UHRF1: variants seen among roughly 807,000 people sequenced by gnomAD.
UHRF1 encodes E3 ubiquitin-protein ligase UHRF1.
In UHRF1, 9 loss-of-function variants were observed where a neutral mutation model predicts 96.5. The ratio of observed to expected loss-of-function variants is 0.09; its 90% CI spans 0.06 to 0.16. UHRF1 has a LOEUF of 0.16. Among genes scored for constraint, UHRF1 ranks in the 10% least tolerant of loss-of-function variants. The pLI is 1.00. For synonymous variants in UHRF1, 455 were observed against 469.9 expected (o/e 0.97, Z 0.41); for missense variants, 626 against 1,131.1 (o/e 0.55, Z 6.40).
intron 2 of UHRF1, among the ~76,000 whole-genome samples, chr19:4,915,250 T>C (rs2032446850): frequency 6.6e-6 from 1 of 151,422 alleles, no homozygotes; most frequent in South Asian, 2.1e-4. Flanking sequence ...GGAGGGAGGG[T>C]CCCCACCACC....
At chr19:4,955,357 C>A (rs1330104648) in intron 15 of UHRF1, among the ~76,000 whole-genome samples, 2 of 152,108 alleles carry the variant, frequency 1.3e-5, no homozygotes, top group African/African-American at 2.4e-5. Context: ...CCTTCCTCCC[C>A]CTTTACAGCC....
intron 5 of UHRF1, among the ~76,000 whole-genome samples, chr19:4,933,935 C>T (rs2033136611): frequency 6.8e-6 from 1 of 146,816 alleles, no homozygotes; most frequent in Admixed American, 6.9e-5. Context: ...TTTGCAAAGC[C>T]TGTTCTTTCT....
chr19:4,912,293 T>C (rs1157374988), intron 2 of UHRF1, among the ~76,000 whole-genome samples: 1 of 152,150 alleles, frequency 6.6e-6, no homozygotes, highest in East Asian at 1.9e-4. Flanking sequence ...CTATGATGCG[T>C]GCTCCCTTTG....
chr19:4,926,525 G>A (rs1166996934), intron 2 of UHRF1, among the ~76,000 whole-genome samples: 1 of 152,122 alleles, frequency 6.6e-6, no homozygotes, highest in African/African-American at 2.4e-5. Flanking sequence ...ATATTCAAAC[G>A]GGTTTTTCTG....
intron 11 of UHRF1, 46 bp from the exon 12 acceptor site, chr19:4,950,565 G>A (rs1233836388): frequency 2.5e-6 from 4 of 1,578,760 alleles, no homozygotes; most frequent in Middle Eastern, 2.3e-4. Flanking sequence ...TTTTTTGGGG[G>A]GTACATCCTC....
intron 2 of UHRF1, among the ~76,000 whole-genome samples, chr19:4,925,966 C>T (rs10426234): frequency 0.023 from 3,539 of 152,028 alleles, 139 homozygotes; most frequent in African/African-American, 0.081. Context: ...GGTGCAATCT[C>T]GGCTCACTGC....
intron 2 of UHRF1, among the ~76,000 whole-genome samples, chr19:4,912,024 G>T (rs554699578): frequency 1.3e-5 from 2 of 152,316 alleles, no homozygotes; most frequent in South Asian, 4.1e-4. Flanking sequence ...GGGGCTGGGA[G>T]GATCATGCCT....
At chr19:4,925,802 G>A (rs1340048884) in intron 2 of UHRF1, among the ~76,000 whole-genome samples, 2 of 152,150 alleles carry the variant, frequency 1.3e-5, no homozygotes, top group Admixed American at 6.6e-5. Flanking sequence ...GATGACAGGC[G>A]TGAGCCACCG....
chr19:4,903,206 G>C (rs2031984037), exon 1 of UHRF1: 1 of 241,312 alleles, frequency 4.1e-6, no homozygotes, highest in Non-Finnish European at 8.4e-6. Flanking sequence ...TTTTGGTAGA[G>C]ACAGAGTTTC....
chr19:4,927,319 T>G (rs262570), intron 2 of UHRF1, among the ~76,000 whole-genome samples: 104 of 141,152 alleles, frequency 7.4e-4, no homozygotes, highest in African/African-American at 2.7e-3. Context: ...AGGTGGAGAT[T>G]GCAGTGAGCT....
At chr19:4,946,031 T>C (rs1200226029) in intron 10 of UHRF1, 66 bp downstream of exon 10, 2 of 1,270,036 alleles carry the variant, frequency 1.6e-6, no homozygotes, top group South Asian at 2.9e-5. Context: ...GTAAAATACA[T>C]AGAACAAAAT....
intron 4 of UHRF1, among the ~76,000 whole-genome samples, 190 bp downstream of exon 4, chr19:4,931,066 C>T (rs1160406621): frequency 6.6e-6 from 1 of 152,180 alleles, no homozygotes; most frequent in Non-Finnish European, 1.5e-5. Context: ...AAGCCGGCTG[C>T]CCCCTCCTGT....
intron 2 of UHRF1, among the ~76,000 whole-genome samples, chr19:4,924,878 A>G (rs1390644124): frequency 1.3e-5 from 2 of 149,990 alleles, no homozygotes; most frequent in African/African-American, 4.9e-5. Context: ...CCAGGCTGGA[A>G]TGTAGTGGCG....
chr19:4,946,425 G>A (rs1441894253), intron 10 of UHRF1, among the ~76,000 whole-genome samples: 1 of 152,138 alleles, frequency 6.6e-6, no homozygotes, highest in Non-Finnish European at 1.5e-5. Flanking sequence ...CTGTCTGTCC[G>A]TGGGCACTGG....
chr19:4,940,351 C>A (rs1256515399), intron 5 of UHRF1, among the ~76,000 whole-genome samples: 2 of 131,288 alleles, frequency 1.5e-5, no homozygotes, highest in African/African-American at 2.7e-5. Context: ...TCAAGCGTTG[C>A]CTTTATGATT....
In UHRF1 at chr19:4,940,290, G is replaced by A. The variant is rs2033351228; in HGVS notation, c.786-1238G>A. On this transcript the variant is annotated intron_variant, in intron 5 of 16. Coordinates refer to ENST00000650932, the MANE Select transcript of UHRF1 (RefSeq NM_001048201.3). Reference sequence around the variant, plus strand: ...GGGGATGTCGGATTATTGATCTCGGGGGATCAGTTTCACTCACAGGAGTTC... The same window carrying A: ...GGGGATGTCGGATTATTGATCTCGGAGGATCAGTTTCACTCACAGGAGTTC... 2.0e-5 allele frequency among the ~76,000 whole-genome samples: 3 copies of A among 151,400 alleles called. No homozygotes were observed. The Admixed American group carries it at 2.0e-4, about 10-fold the overall frequency.
At chr19:4,924,977 C>A (rs1181436102) in intron 2 of UHRF1, among the ~76,000 whole-genome samples, 2 of 152,002 alleles carry the variant, frequency 1.3e-5, no homozygotes, top group Admixed American at 6.6e-5. Context: ...CAGGCGCGTG[C>A]CACCACGCCT....
At chr19:4,924,005 C>T (rs988577235) in intron 2 of UHRF1, among the ~76,000 whole-genome samples, 1 of 152,176 alleles carries the variant, frequency 6.6e-6, no homozygotes, top group African/African-American at 2.4e-5. Flanking sequence ...CTCATTCTGT[C>T]ACCCACGCTG....
intron 7 of UHRF1, among the ~76,000 whole-genome samples, chr19:4,943,333 C>T (rs1211283831): frequency 7.2e-5 from 11 of 152,126 alleles, no homozygotes; most frequent in Admixed American, 6.6e-5. Context: ...GTGCAGGGGG[C>T]TTCACAGCTT....
Sources: allele counts gnomAD v4.1 joint callset (sites outside exome capture counted in the v4.1 genomes callset), GRCh38; gene constraint gnomAD v4.1.1; transcripts MANE v1.5; gene names NCBI Gene and HGNC (gene_info 2026-07-23, HGNC 2026-07-21).